The following PLPPR1 variants were observed in gnomAD, a reference collection of about 807,000 sequenced individuals.
The protein encoded by PLPPR1 is phospholipid phosphatase-related protein type 1.
PLPPR1 carries 10 observed loss-of-function variants against 33.1 expected under a neutral mutation model. The ratio of observed to expected loss-of-function variants is 0.30; its 90% CI spans 0.19 to 0.51. PLPPR1 has a LOEUF of 0.51. Among genes scored for constraint, PLPPR1 ranks in the 20% least tolerant of loss-of-function variants. The probability of loss-of-function intolerance (pLI) is 0.97; values close to 1 mark genes in which losing one functional copy is unlikely to be tolerated. For missense variants in PLPPR1, 304 were observed against 408.1 expected, an observed-to-expected ratio of 0.74 and a Z score of 2.20; for synonymous variants, 151 against 151.0, an observed-to-expected ratio of 1.00 and a Z score of 0.00.
At chr9:101,256,542 A>C (rs559601304) in intron 2 of PLPPR1, among the ~76,000 whole-genome samples, 3 of 152,250 alleles carry the variant, frequency 2.0e-5, no homozygotes, top group Non-Finnish European at 4.4e-5. Context: ...CAACCCAGAG[A>C]TCCAAAAGGG....
At chr9:101,051,246 TTACTACTACTACTAC>T (rs35355458) in intron 1 of PLPPR1, among the ~76,000 whole-genome samples, 2 of 149,750 alleles carry the variant, frequency 1.3e-5, no homozygotes, top group Non-Finnish European at 3.0e-5. Flanking sequence ...CAATTCTTTG[TTACTACTACTACTAC>T]TACTACTACT....
chr9:101,282,817 A>G (rs1828327476), intron 3 of PLPPR1, among the ~76,000 whole-genome samples: 1 of 152,234 alleles, frequency 6.6e-6, no homozygotes, highest in Non-Finnish European at 1.5e-5. Flanking sequence ...AAAAATACTT[A>G]GGAATTTAAC....
At chr9:101,101,573 C>T (rs552460820) in intron 1 of PLPPR1, among the ~76,000 whole-genome samples, 1 of 150,618 alleles carries the variant, frequency 6.6e-6, no homozygotes, top group Admixed American at 6.6e-5. Flanking sequence ...TTATTGCTTT[C>T]CAAAATTTCT....
chr9:101,257,722 T>G (rs2118875127), intron 2 of PLPPR1, among the ~76,000 whole-genome samples: 1 of 152,232 alleles, frequency 6.6e-6, no homozygotes. Context: ...CCTCAAATAA[T>G]GAAAAGTACA....
chr9:101,062,073 A>G (rs1003978019), intron 1 of PLPPR1, among the ~76,000 whole-genome samples: 1 of 151,940 alleles, frequency 6.6e-6, no homozygotes, highest in Non-Finnish European at 1.5e-5. Context: ...TGGTTAATGT[A>G]TGCAGTTTCT....
intron 3 of PLPPR1, among the ~76,000 whole-genome samples, chr9:101,273,007 C>G (rs1358154685): frequency 6.6e-6 from 1 of 152,164 alleles, no homozygotes; most frequent in African/African-American, 2.4e-5. Flanking sequence ...TAGCTAAATA[C>G]ACAATACCAG....
intron 1 of PLPPR1, among the ~76,000 whole-genome samples, chr9:101,151,292 G>A (rs954741990): frequency 3.3e-5 from 5 of 152,050 alleles, no homozygotes; most frequent in African/African-American, 9.7e-5. Flanking sequence ...TAAAATGTAG[G>A]AAACTAAGTA....
chr9:101,036,468 T>A (rs911202391), intron 1 of PLPPR1, among the ~76,000 whole-genome samples: 4 of 152,088 alleles, frequency 2.6e-5, no homozygotes, highest in Admixed American at 2.0e-4. Context: ...AATGTAAAGA[T>A]CATCTAGACT....
At chr9:101,057,511 A>G (rs182430551) in intron 1 of PLPPR1, among the ~76,000 whole-genome samples, 9 of 152,254 alleles carry the variant, frequency 5.9e-5, no homozygotes, top group Admixed American at 5.9e-4. Context: ...GTGGAAATGC[A>G]CAATAAACAA....
At chr9:101,197,491 C>CACTA (rs1440987855) in intron 2 of PLPPR1, among the ~76,000 whole-genome samples, 6 of 152,292 alleles carry the variant, frequency 3.9e-5, no homozygotes, top group African/African-American at 1.4e-4. Flanking sequence ...CCATCAGACT[C>CACTA]ACTAACTTCT....
At chr9:101,190,217 T>A (rs2771060) in intron 2 of PLPPR1, among the ~76,000 whole-genome samples, 141,574 of 152,222 alleles carry the variant, frequency 0.93, 65,924 homozygotes, top group East Asian at 0.97. Flanking sequence ...AAAGGGAAGG[T>A]GAGAGGGATA....
At chr9:101,251,325 C>T (rs984710939) in intron 2 of PLPPR1, among the ~76,000 whole-genome samples, 1 of 152,114 alleles carries the variant, frequency 6.6e-6, no homozygotes. Flanking sequence ...GGGTATTTCA[C>T]TTTTGCTTTA....
Position 101,283,459 on chromosome 9 carries a change from T to C in PLPPR1, c.253-2645T>C, listed in dbSNP as rs192832726. ...GTGTTAGGAAAACTGGCTATCCACA[T>C]GCAGAAGAGTAAAATTAAGACTTTA... On this transcript the variant is annotated intron_variant, in intron 3 of 7. Transcript: ENST00000374874. Among the ~76,000 whole-genome samples, 145 of 152,302 alleles carry C rather than the reference T, an allele frequency of 9.5e-4. 1 individual carries two copies. Among genetic ancestry groups the C allele is most frequent in the African/African-American group, 3.3e-3 (139 of 41,564 alleles).
chr9:101,215,214 G>A (rs755748832), intron 2 of PLPPR1, among the ~76,000 whole-genome samples: 1 of 152,026 alleles, frequency 6.6e-6, no homozygotes, highest in Non-Finnish European at 1.5e-5. Flanking sequence ...AGAACCAGGA[G>A]AGGTTCAGAA....
chr9:101,101,649 C>T (rs1388991408), intron 1 of PLPPR1, among the ~76,000 whole-genome samples: 5 of 151,916 alleles, frequency 3.3e-5, no homozygotes, highest in South Asian at 4.1e-4. Flanking sequence ...ATGAATGAAA[C>T]GATAAACAAA....
chr9:101,054,279 T>C (rs986620944), intron 1 of PLPPR1, among the ~76,000 whole-genome samples: 2 of 152,192 alleles, frequency 1.3e-5, no homozygotes, highest in African/African-American at 4.8e-5. Context: ...TTTGCCCACA[T>C]TGAACTATAA....
At chr9:101,271,808 C>T (rs1411784655) in intron 3 of PLPPR1, among the ~76,000 whole-genome samples, 1 of 152,156 alleles carries the variant, frequency 6.6e-6, no homozygotes, top group Non-Finnish European at 1.5e-5. Context: ...TTCCTCTCTT[C>T]TTCCCAGTCT....
At chr9:101,039,477 C>T (rs551613693) in intron 1 of PLPPR1, among the ~76,000 whole-genome samples, 1 of 152,266 alleles carries the variant, frequency 6.6e-6, no homozygotes, top group East Asian at 1.9e-4. Context: ...GGCTATATCA[C>T]TTGACATAGT....
intron 1 of PLPPR1, among the ~76,000 whole-genome samples, chr9:101,144,254 CG>C (rs1449603207): frequency 6.7e-6 from 1 of 149,994 alleles, no homozygotes; most frequent in African/African-American, 2.5e-5. Context: ...CATCACACAC[CG>C]GGGCCTGTTG....
Sources: allele counts gnomAD v4.1 joint callset (sites outside exome capture counted in the v4.1 genomes callset), GRCh38; gene constraint gnomAD v4.1.1; transcripts MANE v1.5; gene names NCBI Gene and HGNC (gene_info 2026-07-23, HGNC 2026-07-21).